Variants in ELOVL6 observed in about 807,000 individuals in gnomAD.
ELOVL6 encodes the protein ELOVL fatty acid elongase 6, also known as very long chain fatty acid elongase 6.
A neutral mutation model predicts 31.7 loss-of-function variants in ELOVL6; 8 were observed. The ratio of observed to expected loss-of-function variants is 0.25; its 90% CI spans 0.15 to 0.45. ELOVL6 has a LOEUF of 0.45. ELOVL6 is among the 20% of genes least tolerant of loss of function. The pLI, the probability that ELOVL6 is intolerant of heterozygous loss-of-function variation, is 1.00. For missense variants in ELOVL6, 126 were observed against 326.4 expected (o/e 0.39, Z 4.73); for synonymous variants, 101 against 117.7 (o/e 0.86, Z 0.92).
At chr4:110,065,124 A>ACG (rs1432608893) in intron 2 of ELOVL6, among the ~76,000 whole-genome samples, 2 of 152,218 alleles carry the variant, frequency 1.3e-5, no homozygotes, top group African/African-American at 4.8e-5. Flanking sequence ...AACAATAGAA[A>ACG]CAGTGGCACT....
rs946239478 is a variant in ELOVL6, at chr4:110,197,361, G to T, written c.89+886C>A. Among the ~76,000 whole-genome samples, 86 of 152,206 alleles carry T rather than the reference G, an allele frequency of 5.7e-4. 1 individual carries two copies. Among genetic ancestry groups the T allele is most frequent in the Non-Finnish European group, 2.5e-4 (17 of 68,038 alleles). ...GCCTCCCACACAGGGATTTTCAAAA[G>T]GTCTGGCGGGGGGACTACAGTAAAC... On this transcript the variant is annotated intron_variant, in intron 1 of 3. Transcript: ENST00000302274.
At chr4:110,150,450 T>C (rs1758247306) in intron 1 of ELOVL6, among the ~76,000 whole-genome samples, 1 of 152,190 alleles carries the variant, frequency 6.6e-6, no homozygotes, top group Non-Finnish European at 1.5e-5. Flanking sequence ...CATATTATTG[T>C]ATGTTACTAC....
At chr4:110,104,563 T>G (rs1478981149) in intron 2 of ELOVL6, among the ~76,000 whole-genome samples, 1 of 152,220 alleles carries the variant, frequency 6.6e-6, no homozygotes, top group African/African-American at 2.4e-5. Flanking sequence ...CCATTTCTGC[T>G]TAGAACAGTT....
chr4:110,131,285 A>G (rs1757661404), intron 1 of ELOVL6, among the ~76,000 whole-genome samples: 1 of 152,176 alleles, frequency 6.6e-6, no homozygotes, highest in Admixed American at 6.5e-5. Flanking sequence ...AGTTGTGTGG[A>G]TTATTTTTTT....
chr4:110,081,588 T>C (rs371796133), intron 2 of ELOVL6, among the ~76,000 whole-genome samples: 2 of 151,166 alleles, frequency 1.3e-5, no homozygotes, highest in South Asian at 2.1e-4. Context: ...ATACAAAAAT[T>C]AATTCAAGAT....
chr4:110,059,235 T>C (rs1034368701), intron 3 of ELOVL6, among the ~76,000 whole-genome samples: 1 of 152,220 alleles, frequency 6.6e-6, no homozygotes, highest in African/African-American at 2.4e-5. Context: ...TGCTCAGATA[T>C]GGGACTTGGA....
In ELOVL6 at chr4:110,189,103, C is replaced by A. The variant is rs114501692; in HGVS notation, c.89+9144G>T. Among the ~76,000 whole-genome samples, 1,264 of 147,390 alleles carry A rather than the reference C, an allele frequency of 8.6e-3. 10 individuals are homozygous for A. The highest frequency in any genetic ancestry group is 0.032 in the African/African-American group (1,185 of 37,176). On this transcript the variant is annotated intron_variant, in intron 1 of 3. Transcript: ENST00000302274. ...AACCAGCCTGGGCAACATAGCAAGACCCCCATCTCTCCAATACAATAAAAA... is the reference window on the plus strand; with the variant it reads ...AACCAGCCTGGGCAACATAGCAAGAACCCCATCTCTCCAATACAATAAAAA...
At chr4:110,162,164 A>C (rs1217688674) in intron 1 of ELOVL6, among the ~76,000 whole-genome samples, 4 of 152,254 alleles carry the variant, frequency 2.6e-5, no homozygotes, top group Admixed American at 1.3e-4. Context: ...AAACTAAAAG[A>C]ATGCTAACAG....
At position 110,084,588 on chromosome 4, in the gene ELOVL6, ATTTTTTTTTTTT is replaced by A. The variant is rs1168880044; in HGVS notation, c.221+20897_221+20908del. Among the ~76,000 whole-genome samples the A allele has an allele frequency of 2.9e-3, 87 of 29,626 alleles. 1 individual carries two copies. The highest frequency in any genetic ancestry group is 9.8e-3 in the African/African-American group (45 of 4,584). 19.4% of individuals were successfully genotyped at this position (29,626 alleles called of 152,430 possible). On this transcript the variant is annotated intron_variant, in intron 2 of 3. Coordinates refer to ENST00000302274, the MANE Select transcript of ELOVL6 (RefSeq NM_024090.3). Reference sequence around the variant, plus strand: ...GATATATATATATATATATATATATATTTTTTTTTTTTTTTTTTTTTTTTGAGATGGAGTCTT... The same window carrying A: ...GATATATATATATATATATATATATATTTTTTTTTTTTGAGATGGAGTCTT...
chr4:110,094,272 G>A (rs939324052), intron 2 of ELOVL6, among the ~76,000 whole-genome samples: 1 of 149,454 alleles, frequency 6.7e-6, no homozygotes. Flanking sequence ...AATCTGGATG[G>A]GCCAGATGCA....
intron 1 of ELOVL6, among the ~76,000 whole-genome samples, chr4:110,188,734 C>CA (rs549522411): frequency 7.9e-5 from 12 of 151,054 alleles, no homozygotes; most frequent in Admixed American, 4.6e-4. Context: ...ACTAAATATA[C>CA]AAAAAAAATT....
chr4:110,084,566 A>ATATATTTT (rs1756173678), intron 2 of ELOVL6, among the ~76,000 whole-genome samples: 1 of 37,142 alleles, frequency 2.7e-5, no homozygotes, highest in African/African-American at 2.3e-4. Flanking sequence ...ACACACAGAT[A>ATATATTTT]TATATATATA....
intron 1 of ELOVL6, among the ~76,000 whole-genome samples, chr4:110,122,101 T>C (rs914022704): frequency 1.1e-4 from 16 of 152,194 alleles, no homozygotes; most frequent in Non-Finnish European, 2.1e-4. Flanking sequence ...TTATTCTGTA[T>C]TTCCAGCTGT....
At chr4:110,169,211 G>A (rs1029245879) in intron 1 of ELOVL6, among the ~76,000 whole-genome samples, 5 of 150,086 alleles carry the variant, frequency 3.3e-5, no homozygotes, top group African/African-American at 7.3e-5. Context: ...CACTGCACCC[G>A]ACCCCAACAG....
At chr4:110,130,158 A>G (rs1173329358) in intron 1 of ELOVL6, among the ~76,000 whole-genome samples, 2 of 151,984 alleles carry the variant, frequency 1.3e-5, no homozygotes, top group Non-Finnish European at 2.9e-5. Flanking sequence ...GGCCTCCCAA[A>G]GTGCTGAGAT....
At chr4:110,100,882 T>C (rs1488854699) in intron 2 of ELOVL6, among the ~76,000 whole-genome samples, 1 of 152,236 alleles carries the variant, frequency 6.6e-6, no homozygotes, top group African/African-American at 2.4e-5. Context: ...TATATTTTTG[T>C]CATTAGACAA....
intron 1 of ELOVL6, among the ~76,000 whole-genome samples, chr4:110,140,972 C>T (rs938380967): frequency 3.9e-5 from 6 of 152,036 alleles, no homozygotes; most frequent in East Asian, 1.9e-4. Flanking sequence ...CTCACAATCA[C>T]GGCAGCTTAC....
chr4:110,056,544 A>G (rs1391042954), intron 3 of ELOVL6, among the ~76,000 whole-genome samples: 1 of 152,214 alleles, frequency 6.6e-6, no homozygotes, highest in Non-Finnish European at 1.5e-5. Flanking sequence ...ATGTTAAAAA[A>G]AAAAAGTATT....
intron 1 of ELOVL6, among the ~76,000 whole-genome samples, chr4:110,133,043 C>T (rs1296235686): frequency 1.3e-5 from 2 of 151,656 alleles, no homozygotes; most frequent in African/African-American, 4.9e-5. Context: ...AGGGGAATAT[C>T]GAAGGTCAAT....
Sources: gnomAD v4.1 joint callset for allele counts (sites outside exome capture counted in the v4.1 genomes callset) on GRCh38, gnomAD v4.1.1 for gene constraint, MANE v1.5 for transcripts, NCBI Gene and HGNC (gene_info 2026-07-23, HGNC 2026-07-21) for gene names.